NDRG2: variants seen among roughly 807,000 people sequenced by gnomAD.
The protein encoded by NDRG2 is protein NDRG2.
NDRG2 carries 34 observed loss-of-function variants against 58.2 expected under a neutral mutation model. The ratio of observed to expected loss-of-function variants is 0.58; its 90% CI spans 0.44 to 0.78. The LOEUF (loss-of-function observed/expected upper bound fraction) is 0.78, where lower values mean the gene tolerates loss of function less well. Among genes scored for constraint, NDRG2 ranks in the 30% least tolerant of loss-of-function variants. The probability of loss-of-function intolerance (pLI) is 0.00; values close to 1 mark genes in which losing one functional copy is unlikely to be tolerated. For synonymous variants in NDRG2, 187 were observed against 175.9 expected, an observed-to-expected ratio of 1.06 and a Z score of -0.50; for missense variants, 434 against 471.2, an observed-to-expected ratio of 0.92 and a Z score of 0.73.
At chr14:21,018,422 G>A (rs781057034) in intron 13 of NDRG2, 35 bp downstream of exon 13, 1 of 1,612,938 alleles carries the variant, frequency 6.2e-7, no homozygotes, top group South Asian at 1.1e-5. Context: ...GAGGATATAT[G>A]ACTGTGGACG....
At chr14:21,058,184 C>T in intron 1 of NDRG2, 3 of 1,614,128 alleles carry the variant, frequency 1.9e-6, no homozygotes, top group Middle Eastern at 1.6e-4. Context: ...AAACTGCCAC[C>T]AGAGCCACGG....
In NDRG2 at chr14:21,031,845, A is replaced by G. The variant is rs1465200912; in HGVS notation, c.25-8524T>C. 1.9e-6 allele frequency: 3 copies of G among 1,587,418 alleles called. No individual in the cohort carries two copies. In the East Asian group the frequency reaches 6.8e-5, roughly 36 times the overall value. ...GGGCCATCTTTGGGGAAGGGATATG[A>G]CAGCGTAAGGAAAGGAAGAGAGCTC... On this transcript the variant is annotated intron_variant, in intron 1 of 14. Transcript: ENST00000403829.
At chr14:21,053,867 T>G (rs1468145226) in intron 1 of NDRG2, among the ~76,000 whole-genome samples, 3 of 152,170 alleles carry the variant, frequency 2.0e-5, no homozygotes, top group Non-Finnish European at 4.4e-5. Flanking sequence ...AACTCGGAAG[T>G]GCCTTCCTGC....
chr14:21,052,932 C>T (rs1885529146), intron 1 of NDRG2, among the ~76,000 whole-genome samples: 1 of 152,128 alleles, frequency 6.6e-6, no homozygotes, highest in Admixed American at 6.6e-5. Flanking sequence ...GACTCAAGTG[C>T]CCCTCCATAC....
Position 21,024,952 on chromosome 14 carries a change from G to C in NDRG2, c.-929C>G. 3.0e-6 allele frequency: 3 copies of C among 985,584 alleles called. No individual in the cohort carries two copies. The highest frequency in any genetic ancestry group is 3.6e-6 in the Non-Finnish European group (3 of 830,072). 61.1% of individuals were successfully genotyped at this position (985,584 alleles called of 1,614,324 possible). ...CCCCGAGCCTCCAGCTCCAGGGGAC[G>C]CGGATCAATCACACCGCCCGCCGGC... On this transcript the variant is annotated 5_prime_UTR_variant, in exon 1 of 16. Transcript: ENST00000556147.
intron 1 of NDRG2, chr14:21,033,911 A>G: frequency 6.2e-7 from 1 of 1,613,972 alleles, no homozygotes; most frequent in Non-Finnish European, 8.5e-7. Flanking sequence ...TTAGGGTGCT[A>G]TTGTAGTAGC....
rs1886600744 is a variant in NDRG2 at position 21,070,317 on chromosome 14, C to T, written c.24+511G>A. The T allele has an allele frequency of 7.2e-7, 1 of 1,381,386 alleles. No individual in the cohort carries two copies. The highest frequency in any genetic ancestry group is 1.5e-5 in the South Asian group (1 of 65,082). The allele number at this position is 1,381,386 out of a possible 1,614,324, so 85.6% of individuals were successfully genotyped here. On this transcript the variant is annotated intron_variant, in intron 1 of 14. Coordinates refer to the NDRG2 transcript ENST00000403829. This position sits in a 1 kb window ranked among gnomAD's most constrained non-coding sequence, Gnocchi z 4.7. ...TGTCCCTTAGCCAGACCCGGCGAGA[C>T]ACGAGCGGCGGGAGGGAGGCGGTGG...
chr14:21,061,040 T>C (rs983350944), intron 1 of NDRG2, among the ~76,000 whole-genome samples: 6 of 152,178 alleles, frequency 3.9e-5, no homozygotes, highest in African/African-American at 1.2e-4. Context: ...ATTCACTACC[T>C]TGTTGAGAGG....
Position 21,066,078 on chromosome 14 carries a change from G to A in NDRG2, c.24+4750C>T, listed in dbSNP as rs148029057. 7.1e-3 allele frequency among the ~76,000 whole-genome samples: 1,075 copies of A among 152,186 alleles called. 24 individuals carry two copies. The highest frequency in any genetic ancestry group is 0.024 in the African/African-American group (1,001 of 41,510). On this transcript the variant is annotated intron_variant, in intron 1 of 14. Coordinates refer to the NDRG2 transcript ENST00000403829. ...TGCAACACTGCACTCCAGCCTGGGC[G>A]ACAGAGCAAGACTTTTTTTCAACAA... is the stretch of plus-strand genomic sequence containing the variant.
chr14:21,024,911 C>T lies in NDRG2; in HGVS notation c.-888G>A, dbSNP rs1227983236. ...TGTGCGCAGCAACCGAGCGCCCGCT[C>T]CGTGCTGGCCCTTTCCCCCGAGCCT... On this transcript the variant is annotated 5_prime_UTR_variant, in exon 1 of 16. Transcript: ENST00000556147. 1.0e-6 allele frequency: 1 copy of T among 985,462 alleles called. No homozygotes were observed. 61.0% of individuals were successfully genotyped at this position (985,462 alleles called of 1,614,324 possible).
chr14:21,018,884 G>A (rs1878458596), intron 11 of NDRG2, 70 bp from the exon 12 acceptor site: 4 of 1,581,026 alleles, frequency 2.5e-6, no homozygotes, highest in Non-Finnish European at 3.5e-6. Context: ...GCCTAGGAGT[G>A]CAGCTGGAAA....
At chr14:21,065,223 C>T (rs1461287005) in intron 1 of NDRG2, among the ~76,000 whole-genome samples, 1 of 151,792 alleles carries the variant, frequency 6.6e-6, no homozygotes, top group African/African-American at 2.4e-5. Flanking sequence ...GCATGCCTTC[C>T]ACTTGCAAAT....
chr14:21,035,859 G>A, intron 1 of NDRG2: 1 of 456,092 alleles, frequency 2.2e-6, no homozygotes. Context: ...CCCAATCCCA[G>A]CTACGGGGAG....
At chr14:21,055,766 G>A (rs751183389) in intron 1 of NDRG2, among the ~76,000 whole-genome samples, 2 of 152,134 alleles carry the variant, frequency 1.3e-5, no homozygotes, top group African/African-American at 4.8e-5. Flanking sequence ...GTCTGTAACC[G>A]TTAATGAATA....
chr14:21,025,808 G>T, upstream of NDRG2: 2 of 785,622 alleles, frequency 2.5e-6, no homozygotes, highest in Admixed American at 6.2e-5. This position sits in a 1 kb window ranked among gnomAD's most constrained non-coding sequence, Gnocchi z 5.1. Context: ...GGGCAGGCGG[G>T]GGGTGGGGAG....
intron 1 of NDRG2, among the ~76,000 whole-genome samples, chr14:21,051,705 A>G (rs1885478231): frequency 6.6e-6 from 1 of 152,198 alleles, no homozygotes; most frequent in Admixed American, 6.5e-5. Context: ...CCCAAAAGGA[A>G]TGTGGCCACT....
Position 21,032,572 on chromosome 14 carries a change from G to T in NDRG2, c.25-9251C>A, listed in dbSNP as rs147440017. On this transcript the variant is annotated intron_variant, in intron 1 of 14. Coordinates refer to the NDRG2 transcript ENST00000403829. ...GGGTGGAGGAGTAGAAGCCAGCTAA[G>T]GTTGCCTGACTTCTATTACAAATTT... is the stretch of plus-strand genomic sequence containing the variant. The T allele has an allele frequency of 3.0e-4, 105 of 346,110 alleles. 2 individuals carry two copies. The highest frequency in any genetic ancestry group is 2.1e-3 in the African/African-American group (96 of 46,354). The allele number at this position is 346,110 out of a possible 1,614,324, so 21.4% of individuals were successfully genotyped here.
chr14:21,030,404 T>C, upstream of NDRG2: 5 of 634,000 alleles, frequency 7.9e-6, no homozygotes, highest in South Asian at 7.9e-5. Context: ...TGTAGTTGCG[T>C]AGGTGCAATG....
At chr14:21,065,245 G>GACAA (rs145131076) in intron 1 of NDRG2, among the ~76,000 whole-genome samples, 3,848 of 151,170 alleles carry the variant, frequency 0.025, 173 homozygotes, top group African/African-American at 0.089. Context: ...TCCTCCAACA[G>GACAA]ACAAACAAAC....
Sources: gnomAD v4.1 joint callset for allele counts (sites outside exome capture counted in the v4.1 genomes callset) on GRCh38, gnomAD v4.1.1 for gene constraint, Gnocchi (gnomAD v3.1) non-coding constraint, MANE v1.5 for transcripts, NCBI Gene and HGNC (gene_info 2026-07-23, HGNC 2026-07-21) for gene names.